Variants in FUT9 observed in about 807,000 individuals in gnomAD.
FUT9 encodes fucosyltransferase 9, also known as 4-galactosyl-N-acetylglucosaminide 3-alpha-L-fucosyltransferase 9.
In FUT9, 15 loss-of-function variants were observed where a neutral mutation model predicts 29.7. The observed-to-expected ratio is 0.51, with a 90% CI of 0.34 to 0.78. FUT9 has a LOEUF of 0.78. FUT9 is among the 30% of genes least tolerant of loss of function. FUT9 has a pLI of 0.01. For missense variants in FUT9, 319 were observed against 425.4 expected (o/e 0.75, Z 2.20); for synonymous variants, 169 against 153.7 (o/e 1.10, Z -0.74).
At chr6:96,198,988 A>T (rs910138693) in intron 2 of FUT9, among the ~76,000 whole-genome samples, 10 of 151,774 alleles carry the variant, frequency 6.6e-5, no homozygotes, top group Non-Finnish European at 1.5e-4. Flanking sequence ...CTTAACAGAA[A>T]ATTGAATCAT....
At chr6:96,049,868 T>G in intron 1 of FUT9, among the ~76,000 whole-genome samples, 1 of 152,216 alleles carries the variant, frequency 6.6e-6, no homozygotes, top group East Asian at 1.9e-4. Context: ...TAACGTGGAC[T>G]AAATAGTTAC....
At chr6:96,135,270 A>G (rs1004207381) in intron 2 of FUT9, among the ~76,000 whole-genome samples, 2 of 151,950 alleles carry the variant, frequency 1.3e-5, no homozygotes, top group Non-Finnish European at 2.9e-5. Context: ...ACACACATAC[A>G]TGAGGGACAT....
intron 2 of FUT9, among the ~76,000 whole-genome samples, chr6:96,153,722 A>T (rs1772724789): frequency 6.6e-6 from 1 of 152,208 alleles, no homozygotes; most frequent in African/African-American, 2.4e-5. Context: ...TCTCTCATTT[A>T]TCACTTTGTC....
At chr6:96,059,852 T>A (rs1160750916) in intron 1 of FUT9, among the ~76,000 whole-genome samples, 1 of 152,202 alleles carries the variant, frequency 6.6e-6, no homozygotes, top group Non-Finnish European at 1.5e-5. Context: ...TGAAAACAGT[T>A]CCTAAATTGG....
At chr6:96,172,331 A>G (rs558969199) in intron 2 of FUT9, among the ~76,000 whole-genome samples, 1 of 152,314 alleles carries the variant, frequency 6.6e-6, no homozygotes, top group East Asian at 1.9e-4. Flanking sequence ...CTTGAATGAA[A>G]AATTTCTTTT....
intron 2 of FUT9, among the ~76,000 whole-genome samples, chr6:96,152,729 G>T (rs1243135520): frequency 6.6e-6 from 1 of 152,162 alleles, no homozygotes; most frequent in Non-Finnish European, 1.5e-5. Flanking sequence ...ATGATTTGTT[G>T]TAAGACTTTG....
chr6:96,091,879 G>A (rs1015401858), intron 1 of FUT9, among the ~76,000 whole-genome samples: 4 of 152,020 alleles, frequency 2.6e-5, no homozygotes, highest in African/African-American at 7.2e-5. Flanking sequence ...GATTTTGAGC[G>A]AGAAAATATT....
rs774255475 is a variant in FUT9 at position 96,204,795 on chromosome 6, G to A, written c.*560G>A. 4 of 166,612 alleles carry A rather than the reference G, an allele frequency of 2.4e-5. No homozygotes were observed. The highest frequency in any genetic ancestry group is 4.4e-5 in the Non-Finnish European group (3 of 68,066). 10.3% of individuals were successfully genotyped at this position (166,612 alleles called of 1,614,324 possible). A position where few individuals can be genotyped will look rare whatever the true frequency, so the allele number is the denominator to read the frequency against. On this transcript the variant is annotated 3_prime_UTR_variant, in exon 3 of 3. Transcript: ENST00000302103. ...GTGAAGGTGAAATTATTCATGGAGT[G>A]AATAAGAAAGATATGAAGCAGAACT...
At chr6:96,032,985 C>T (rs558351598) in intron 1 of FUT9, among the ~76,000 whole-genome samples, 5 of 151,646 alleles carry the variant, frequency 3.3e-5, no homozygotes, top group East Asian at 3.9e-4. Context: ...CGGTTTTTGA[C>T]GGTTTTTTGA....
At chr6:96,191,680 G>A (rs1175170249) in intron 2 of FUT9, among the ~76,000 whole-genome samples, 1 of 152,128 alleles carries the variant, frequency 6.6e-6, no homozygotes, top group Non-Finnish European at 1.5e-5. Context: ...CATTCCTTCT[G>A]CAACTATTCC....
intron 2 of FUT9, among the ~76,000 whole-genome samples, chr6:96,150,080 C>T (rs1772647637): frequency 6.6e-6 from 1 of 152,120 alleles, no homozygotes; most frequent in Non-Finnish European, 1.5e-5. Context: ...AAAAGATAAA[C>T]TCTGCCTACC....
At position 96,204,088 on chromosome 6, in the gene FUT9, A is replaced by G; in HGVS notation, c.933A>G (p.Leu311=). 1 of 1,527,306 alleles carries G rather than the reference A, an allele frequency of 6.5e-7. No homozygotes were observed. The highest frequency in any genetic ancestry group is 8.8e-7 in the Non-Finnish European group (1 of 1,139,516). 94.6% of individuals were successfully genotyped at this position (1,527,306 alleles called of 1,614,324 possible). A position where few individuals can be genotyped will look rare whatever the true frequency, so the allele number is the denominator to read the frequency against. The change falls in exon 3 of 3, where the codon TTA becomes TTG. Residue 311 remains leucine (L), a synonymous_variant. Transcript: ENST00000302103. ...AGGAAGTCGACAAAAACAATAAGTT[A>G]TACCTTAGTTACTTTAACTGGAGGA... ...YLKEVDKNNK[L]YLSYFNWRKD...
intron 1 of FUT9, among the ~76,000 whole-genome samples, chr6:96,106,275 CAGA>C (rs1174590422): frequency 2.3e-5 from 2 of 87,414 alleles, no homozygotes; most frequent in Admixed American, 1.5e-4. Flanking sequence ...CTATTTTTGT[CAGA>C]AGAATTGGGA....
chr6:96,200,510 A>G (rs1773709047), intron 2 of FUT9, among the ~76,000 whole-genome samples: 2 of 152,140 alleles, frequency 1.3e-5, no homozygotes, highest in South Asian at 4.1e-4. Flanking sequence ...ATTAAAGGAA[A>G]TGATGTGTGT....
chr6:96,069,320 C>CAAA (rs66913347), intron 1 of FUT9, among the ~76,000 whole-genome samples: 2 of 146,072 alleles, frequency 1.4e-5, no homozygotes, highest in African/African-American at 2.5e-5. Flanking sequence ...GACTCCATCT[C>CAAA]AAAAAAAAAA....
intron 1 of FUT9, among the ~76,000 whole-genome samples, chr6:96,028,389 A>C (rs940636936): frequency 1.3e-5 from 2 of 151,622 alleles, no homozygotes; most frequent in African/African-American, 4.8e-5. Context: ...GGAATGCTTA[A>C]TTAAACATTG....
intron 1 of FUT9, among the ~76,000 whole-genome samples, chr6:96,059,678 G>A (rs1770838343): frequency 6.6e-6 from 1 of 152,188 alleles, no homozygotes. Flanking sequence ...TACCTTGGAA[G>A]ATGACTAATT....
chr6:96,040,612 A>G (rs906144509), intron 1 of FUT9, among the ~76,000 whole-genome samples: 1 of 152,154 alleles, frequency 6.6e-6, no homozygotes, highest in Non-Finnish European at 1.5e-5. Flanking sequence ...GGTTGGAGTG[A>G]CTAAACCCAG....
intron 1 of FUT9, among the ~76,000 whole-genome samples, chr6:96,055,696 T>C (rs1224957393): frequency 1.7e-5 from 2 of 114,984 alleles, no homozygotes; most frequent in Non-Finnish European, 3.7e-5. Context: ...GTTTTTGTTT[T>C]CTATTTCTTT....
Sources: gnomAD v4.1 joint callset for allele counts (sites outside exome capture counted in the v4.1 genomes callset) on GRCh38, gnomAD v4.1.1 for gene constraint, MANE v1.5 for transcripts, NCBI Gene and HGNC (gene_info 2026-07-23, HGNC 2026-07-21) for gene names.